DNAJA2: variants seen among roughly 807,000 people sequenced by gnomAD.
DNAJA2 encodes dnaJ homolog subfamily A member 2.
Under a neutral mutation model 49.3 loss-of-function variants are expected in DNAJA2, and 6 were observed. The ratio of observed to expected loss-of-function variants is 0.12; its 90% CI spans 0.07 to 0.24. The LOEUF (loss-of-function observed/expected upper bound fraction) is 0.24. Ranked by LOEUF, DNAJA2 falls within the 10% of genes least tolerant of loss-of-function variation. The probability of loss-of-function intolerance (pLI) is 1.00; values close to 1 mark genes in which losing one functional copy is unlikely to be tolerated. For missense variants in DNAJA2, 347 were observed against 516.8 expected (o/e 0.67, Z 3.19); for synonymous variants, 160 against 172.7 (o/e 0.93, Z 0.58).
chr16:46,959,497 T>A, intron 6 of DNAJA2, 78 bp from the exon 7 acceptor site: 1 of 1,367,572 alleles, frequency 7.3e-7, no homozygotes, highest in Non-Finnish European at 1.0e-6. Context: ...TTCCTTGACT[T>A]AATTTCAAAA....
At chr16:46,965,961 C>T (rs1961963680) in intron 5 of DNAJA2, among the ~76,000 whole-genome samples, 1 of 151,918 alleles carries the variant, frequency 6.6e-6, no homozygotes, top group Non-Finnish European at 1.5e-5. Context: ...TGGTGGCTAA[C>T]ACCTGTAATC....
rs768986577 is a variant in DNAJA2 at position 46,971,476 on chromosome 16, C to T, written c.235G>A (p.Gly79Ser). The change falls in exon 3 of 9, where the codon GGC (glycine) becomes AGC (serine). Residue 79 changes from glycine (G) to serine (S), a missense_variant. Coordinates refer to ENST00000317089, the MANE Select transcript of DNAJA2 (RefSeq NM_005880.4). ...YGEQGLREGS[G>S]GGGGMDDIFS... ...ATATCATCCATGCCACCACCTCCGC[C>T]GCTGCCTTCCCGAAGACCTTGCTCT... 1.7e-5 allele frequency: 28 copies of T among 1,614,006 alleles called. No homozygotes were observed. The Admixed American group carries it at 4.0e-4, about 23-fold the overall frequency.
At chr16:46,973,420 G>C (rs1292621185) in intron 1 of DNAJA2, 75 bp downstream of exon 1, 3 of 1,406,812 alleles carry the variant, frequency 2.1e-6, no homozygotes, top group African/African-American at 3.0e-5. Flanking sequence ...CCAGTAGCGC[G>C]GCCTGGCTGA....
At position 46,956,052 on chromosome 16, in the gene DNAJA2, CAG is replaced by C. The variant is rs1286612192; in HGVS notation, c.*975_*976del. ...CAGCATCTTTTACATTTAATGAAAA[CAG>C]AGGATTTGAACACGTTCTATGCAGA... On this transcript the variant is annotated 3_prime_UTR_variant, in exon 9 of 9. Coordinates refer to ENST00000317089, the MANE Select transcript of DNAJA2 (RefSeq NM_005880.4). The C allele has an allele frequency of 3.9e-5, 6 of 152,098 alleles. No individual in the cohort carries two copies. Among genetic ancestry groups the C allele is most frequent in the African/African-American group, 7.2e-5 (3 of 41,416 alleles). The allele number at this position is 152,098 out of a possible 1,614,324, so 9.4% of individuals were successfully genotyped here.
chr16:46,965,398 G>A (rs1961954438), intron 5 of DNAJA2, among the ~76,000 whole-genome samples: 1 of 152,120 alleles, frequency 6.6e-6, no homozygotes, highest in African/African-American at 2.4e-5. Context: ...ATATTATAGT[G>A]TGAAAAAACT....
chr16:46,971,669 A>AAAAAAG, intron 2 of DNAJA2, 97 bp from the exon 3 acceptor site: 1 of 1,008,030 alleles, frequency 9.9e-7, no homozygotes, highest in Non-Finnish European at 1.4e-6. Flanking sequence ...TCTAAAAAAA[A>AAAAAAG]AAAAAAAGGG....
At chr16:46,957,896 C>T (rs981563557) in intron 8 of DNAJA2, among the ~76,000 whole-genome samples, 15 of 152,088 alleles carry the variant, frequency 9.9e-5, no homozygotes, top group Admixed American at 4.6e-4. Context: ...CTCCTCATCA[C>T]CACCCACACC....
intron 6 of DNAJA2, among the ~76,000 whole-genome samples, chr16:46,964,083 A>G (rs1253228537): frequency 6.6e-6 from 1 of 151,972 alleles, no homozygotes; most frequent in African/African-American, 2.4e-5. Context: ...CACACACAAA[A>G]AAGACCAAGG....
chr16:46,973,188 G>A (rs1962081620), intron 1 of DNAJA2, among the ~76,000 whole-genome samples: 1 of 152,152 alleles, frequency 6.6e-6, no homozygotes, highest in African/African-American at 2.4e-5. Flanking sequence ...CTGCCTCCCG[G>A]GGGATACCAG....
rs543346025 is a variant in DNAJA2 at position 46,967,074 on chromosome 16, ATTACT to A, written c.577+434_577+438del. ...CACTGGGCTTAGGCATAATGGAGTA[ATTACT>A]TTCACACTTTTATCTTTTATTTTTT... is the stretch of plus-strand genomic sequence containing the variant. On this transcript the variant is annotated intron_variant, in intron 5 of 8. Transcript: ENST00000317089. 4.6e-5 allele frequency among the ~76,000 whole-genome samples: 7 copies of A among 152,222 alleles called. No homozygotes were observed. In the East Asian group the frequency reaches 1.4e-3, roughly 29 times the overall value.
chr16:46,959,128 A>G lies in DNAJA2; in HGVS notation c.922T>C (p.Cys308Arg). The change falls in exon 8 of 9, where the codon TGT (cysteine) becomes CGT (arginine). Residue 308 changes from cysteine to arginine, a missense_variant and splice_region_variant. Transcript: ENST00000317089. ...YPPGKVIEPGCVRVVRGEGMP... is the reference protein window; with the variant it reads ...YPPGKVIEPGRVRVVRGEGMP... ...CCTTCACCTCGAACTACACGAACAC[A>G]CCCTATTATTTAAGAGGAAATGATT... The G allele has an allele frequency of 6.3e-7, 1 of 1,599,012 alleles. No homozygotes were observed. The highest frequency in any genetic ancestry group is 8.5e-7 in the Non-Finnish European group (1 of 1,172,734).
intron 6 of DNAJA2, among the ~76,000 whole-genome samples, chr16:46,961,581 CAAAAAAAA>C (rs36085777): frequency 4.4e-5 from 6 of 135,404 alleles, no homozygotes; most frequent in Non-Finnish European, 6.3e-5. Context: ...AAGACTGTCT[CAAAAAAAA>C]AAAAAAGAAA....
At chr16:46,965,510 G>C (rs1302464726) in intron 5 of DNAJA2, among the ~76,000 whole-genome samples, 1 of 152,178 alleles carries the variant, frequency 6.6e-6, no homozygotes, top group Non-Finnish European at 1.5e-5. Flanking sequence ...CTTGTGCAAA[G>C]TATGTTCTGC....
In DNAJA2 at chr16:46,959,030, G is replaced by T; in HGVS notation, c.1020C>A (p.Asn340Lys). 1 of 1,607,536 alleles carries T rather than the reference G, an allele frequency of 6.2e-7. No individual in the cohort carries two copies. The highest frequency in any genetic ancestry group is 8.5e-7 in the Non-Finnish European group (1 of 1,178,276). ...AAAGCTTGTCTGGGTTGATCCAGTT[G>T]TTTTCAGGAAACTGCACATCAAACT... is the stretch of plus-strand genomic sequence containing the variant. ...YIKFDVQFPE[N>K]NWINPDKLSE... Residue 340 changes from asparagine (N) to lysine (K), a missense_variant, in exon 8 of 9, where the codon AAC (asparagine) becomes AAA (lysine). By Grantham distance (94) the Asn-to-Lys change is moderately conservative. Transcript: ENST00000317089.
At chr16:46,970,472 G>C (rs775246991) in intron 3 of DNAJA2, among the ~76,000 whole-genome samples, 10 of 152,214 alleles carry the variant, frequency 6.6e-5, no homozygotes, top group Admixed American at 3.9e-4. Flanking sequence ...GCTGGGCGCA[G>C]TGGCTTATGC....
At chr16:46,967,925 C>T (rs1330782667) in intron 4 of DNAJA2, among the ~76,000 whole-genome samples, 159 bp downstream of exon 4, 3 of 152,024 alleles carry the variant, frequency 2.0e-5, no homozygotes, top group African/African-American at 7.2e-5. Flanking sequence ...TCAGGTGATC[C>T]ACCCGACTCG....
rs1281247688 is a variant in DNAJA2 at position 46,967,592 on chromosome 16, A to G, written c.498T>C (p.Gly166=). 2.5e-6 allele frequency: 4 copies of G among 1,614,020 alleles called. No individual in the cohort carries two copies. In the Admixed American group the frequency reaches 5.0e-5, roughly 20 times the overall value. Residue 166 remains glycine, a synonymous_variant, in exon 5 of 9, where the codon GGT becomes GGC. Transcript: ENST00000317089. Reference sequence around the variant, plus strand: ...CCAGCTGTCTGATCATGATGCGCACACCTCGACCTCGACAAGCACTACACT... The same window carrying G: ...CCAGCTGTCTGATCATGATGCGCACGCCTCGACCTCGACAAGCACTACACT... The part of the protein sequence containing the change: ...VQKCSACRGR[G]VRIMIRQLAP...
Position 46,968,117 on chromosome 16 carries a change from A to C in DNAJA2, c.410T>G (p.Leu137Arg), listed in dbSNP as rs1380326014. The change falls in exon 4 of 9, where the codon CTT (leucine) becomes CGT (arginine). Residue 137 changes from leucine (L) to arginine (R), a missense_variant. By Grantham distance (102) the Leu-to-Arg change is moderately radical. Transcript: ENST00000317089. The stretch of plus-strand genomic sequence containing the variant: ...TGCACTACAGAGCACATTCTTGCTA[A>C]GTTGTAGTTTGGTTGTCTTGCCATT... Reference protein sequence around the residue: ...LYNGKTTKLQLSKNVLCSACS... With the variant: ...LYNGKTTKLQRSKNVLCSACS... The C allele has an allele frequency of 6.2e-7, 1 of 1,610,002 alleles. No homozygotes were observed. The highest frequency in any genetic ancestry group is 1.3e-5 in the African/African-American group (1 of 74,734).
chr16:46,972,028 C>T, intron 1 of DNAJA2, 73 bp from the exon 2 acceptor site: 1 of 1,040,786 alleles, frequency 9.6e-7, no homozygotes, highest in Admixed American at 1.8e-5. Context: ...ACTTAATATC[C>T]ACTTTTCTGA....
Sources: gnomAD v4.1 joint callset for allele counts (sites outside exome capture counted in the v4.1 genomes callset) on GRCh38, gnomAD v4.1.1 for gene constraint, MANE v1.5 for transcripts, NCBI Gene and HGNC (gene_info 2026-07-23, HGNC 2026-07-21) for gene names.